The following RNF144A variants were observed in gnomAD, a reference collection of about 807,000 sequenced individuals.
RNF144A encodes the protein E3 ubiquitin-protein ligase RNF144A.
In RNF144A, 11 loss-of-function variants were observed where a neutral mutation model predicts 38.7. The ratio of observed to expected loss-of-function variants is 0.28; its 90% confidence interval spans 0.18 to 0.47. The LOEUF (loss-of-function observed/expected upper bound fraction) is 0.47. Ranked by LOEUF, RNF144A falls within the 20% of genes least tolerant of loss-of-function variation. RNF144A has a pLI of 0.99. For missense variants in RNF144A, 316 were observed against 377.2 expected (o/e 0.84, Z 1.34); for synonymous variants, 149 against 143.9 (o/e 1.04, Z -0.25).
At chr2:7,059,444 C>T (rs980103108) in intron 6 of RNF144A, among the ~76,000 whole-genome samples, 1 of 152,198 alleles carries the variant, frequency 6.6e-6, no homozygotes, top group African/African-American at 2.4e-5. Context: ...TGCCATGCCC[C>T]GTGTTCCCCT....
downstream of RNF144A, among the ~76,000 whole-genome samples, chr2:7,069,757 T>A (rs182775258): frequency 6.6e-6 from 1 of 152,364 alleles, no homozygotes; most frequent in East Asian, 1.9e-4. Context: ...CTCAGGCCTA[T>A]ATTAGAGAAG....
chr2:7,022,306 A>G (rs747470686), intron 6 of RNF144A, among the ~76,000 whole-genome samples: 14 of 152,218 alleles, frequency 9.2e-5, no homozygotes, highest in Non-Finnish European at 1.9e-4. Context: ...CACTTCACTC[A>G]TTAGCATCAC....
chr2:7,007,105 G>T (rs1372155534), intron 3 of RNF144A, among the ~76,000 whole-genome samples: 2 of 151,988 alleles, frequency 1.3e-5, no homozygotes, highest in East Asian at 3.9e-4. Flanking sequence ...CCATTTTGTG[G>T]ACTTGACTCT....
At chr2:6,978,116 G>T (rs376624181) in intron 2 of RNF144A, among the ~76,000 whole-genome samples, 2 of 152,168 alleles carry the variant, frequency 1.3e-5, no homozygotes, top group African/African-American at 2.4e-5. Flanking sequence ...GGGCACCCTC[G>T]TGAGGTAAAG....
At chr2:7,027,625 G>T (rs1343680677) in intron 7 of RNF144A, among the ~76,000 whole-genome samples, 1 of 152,220 alleles carries the variant, frequency 6.6e-6, no homozygotes, top group Non-Finnish European at 1.5e-5. Context: ...TTGCCCTGGG[G>T]CATTGGCTCT....
At chr2:6,950,404 G>GT (rs1173954662) in intron 2 of RNF144A, among the ~76,000 whole-genome samples, 2 of 152,184 alleles carry the variant, frequency 1.3e-5, no homozygotes, top group Non-Finnish European at 2.9e-5. Flanking sequence ...ATTTGATAAT[G>GT]TTGGCGTCGA....
rs1673121371 is a variant in RNF144A at position 7,042,689 on chromosome 2, G to A, written c.*2929G>A. The A allele has an allele frequency of 2.0e-6, 2 of 985,474 alleles. No individual in the cohort carries two copies. The highest frequency in any genetic ancestry group is 2.4e-6 in the Non-Finnish European group (2 of 829,956). 61.0% of individuals were successfully genotyped at this position (985,474 alleles called of 1,614,324 possible). ...GCCAGATGAGCTTGCAGCCTCATAG[G>A]AGGTCAGCACCTTGCAAAGATGCAG... is the stretch of plus-strand genomic sequence containing the variant. On this transcript the variant is annotated 3_prime_UTR_variant, in exon 9 of 9. Transcript: ENST00000320892.
chr2:6,978,959 C>T (rs1329284096), intron 2 of RNF144A: 3 of 152,674 alleles, frequency 2.0e-5, no homozygotes, highest in East Asian at 1.9e-4. Flanking sequence ...GAAGGGTCCA[C>T]GTATCTCTGC....
rs77761681 is a variant in RNF144A, at chr2:6,934,747, A to C, written c.-211-6201A>C. ...AGACACTACTTAGAAGTATTTAAAG[A>C]TATCTACATAGAAGACTCTGTGGAG... On this transcript the variant is annotated intron_variant, in intron 1 of 8. Transcript: ENST00000320892. Among the ~76,000 whole-genome samples, 238 of 152,336 alleles carry C rather than the reference A, an allele frequency of 1.6e-3. 2 individuals carry two copies. Among genetic ancestry groups the C allele is most frequent in the East Asian group, 7.1e-3 (37 of 5,182 alleles).
At position 7,024,399 on chromosome 2, in the gene RNF144A, G is replaced by T; in HGVS notation, c.540G>T (p.Ala180=). ...CTTTCAAAATGGAAGAAGATGACGC[G>T]CCCATCAAGCGCTGCCCCAAGTGCA... ...SAAFKMEEDD[A]PIKRCPKCKV... is the part of the protein sequence containing the mutation. The change falls in exon 7 of 9, where the codon GCG becomes GCT. Residue 180 remains alanine (A), a synonymous_variant. Coordinates refer to ENST00000320892, the MANE Select transcript of RNF144A (RefSeq NM_014746.6). 3.7e-6 allele frequency: 6 copies of T among 1,609,310 alleles called. No homozygotes were observed. Among genetic ancestry groups the T allele is most frequent in the East Asian group, 2.2e-5 (1 of 44,750 alleles).
At chr2:7,071,735 T>A (rs1674492156), downstream of RNF144A, among the ~76,000 whole-genome samples, 1 of 152,248 alleles carries the variant, frequency 6.6e-6, no homozygotes, top group South Asian at 2.1e-4. Context: ...GTGGCGAGGC[T>A]AGGGTCTCCA....
chr2:6,951,750 T>C (rs1666691964), intron 2 of RNF144A, among the ~76,000 whole-genome samples: 2 of 152,244 alleles, frequency 1.3e-5, no homozygotes, highest in Admixed American at 6.5e-5. Flanking sequence ...TGTATAAATG[T>C]AATTACCTTT....
In RNF144A at chr2:6,982,685, T is replaced by C. The variant is rs146960640; in HGVS notation, c.-11-14231T>C. On this transcript the variant is annotated intron_variant, in intron 2 of 8. Coordinates refer to ENST00000320892, the MANE Select transcript of RNF144A (RefSeq NM_014746.6). ...GAGAGAGTGGTGAGAGCCCTGGCCA[T>C]GTCTGTAGCAATCAGACGATTGAGA... Among the ~76,000 whole-genome samples, 452 of 152,280 alleles carry C rather than the reference T, an allele frequency of 3.0e-3. 7 individuals are homozygous for C. The highest frequency in any genetic ancestry group is 0.01 in the Middle Eastern group (3 of 294).
At chr2:6,955,360 C>T (rs538910844) in intron 2 of RNF144A, among the ~76,000 whole-genome samples, 1 of 152,314 alleles carries the variant, frequency 6.6e-6, no homozygotes, top group African/African-American at 2.4e-5. Context: ...AAGGCTTCCC[C>T]TCTGTGGTTC....
At chr2:6,932,064 T>C (rs1665238819) in intron 1 of RNF144A, among the ~76,000 whole-genome samples, 1 of 152,260 alleles carries the variant, frequency 6.6e-6, no homozygotes. Context: ...CCTGCAGTTC[T>C]GTCAGTTTTG....
chr2:6,985,717 G>C (rs1003412652), intron 2 of RNF144A, among the ~76,000 whole-genome samples: 5 of 152,218 alleles, frequency 3.3e-5, no homozygotes, highest in African/African-American at 1.2e-4. Flanking sequence ...CTGTTGCACA[G>C]GCTGGAGTGC....
At chr2:6,991,878 A>G (rs1669406766) in intron 2 of RNF144A, among the ~76,000 whole-genome samples, 1 of 152,130 alleles carries the variant, frequency 6.6e-6, no homozygotes, top group African/African-American at 2.4e-5. Context: ...TGCTGTGACC[A>G]CTGTCCAGAA....
chr2:7,039,916 T>C lies in RNF144A; in HGVS notation c.*156T>C. On this transcript the variant is annotated 3_prime_UTR_variant, in exon 9 of 9. Coordinates refer to ENST00000320892, the MANE Select transcript of RNF144A (RefSeq NM_014746.6). ...TGGACGCCGTGATTTCAGGGACCTA[T>C]GTCACAATGTTCGCTGAGGCCCCAG... 4 of 1,433,784 alleles carry C rather than the reference T, an allele frequency of 2.8e-6. No homozygotes were observed. Among genetic ancestry groups the C allele is most frequent in the Non-Finnish European group, 3.7e-6 (4 of 1,094,964 alleles). The allele number at this position is 1,433,784 out of a possible 1,614,324, so 88.8% of individuals were successfully genotyped here. A position where few individuals can be genotyped will look rare whatever the true frequency, so the allele number is the denominator to read the frequency against.
At chr2:6,932,864 G>A (rs570137873) in intron 1 of RNF144A, among the ~76,000 whole-genome samples, 2 of 152,336 alleles carry the variant, frequency 1.3e-5, no homozygotes, top group Admixed American at 6.5e-5. Flanking sequence ...GCTGAAGAGT[G>A]TATTTTGTTT....
Sources: gnomAD v4.1 joint callset for allele counts (sites outside exome capture counted in the v4.1 genomes callset) on GRCh38, gnomAD v4.1.1 for gene constraint, MANE v1.5 for transcripts, NCBI Gene and HGNC (gene_info 2026-07-23, HGNC 2026-07-21) for gene names.